Variants in PKHD1 observed in about 807,000 individuals in gnomAD.
The protein encoded by PKHD1 is PKHD1 ciliary IPT domain containing fibrocystin/polyductin, also known as fibrocystin.
In PKHD1, 291 loss-of-function variants were observed where a neutral mutation model predicts 412.0. The ratio of observed to expected loss-of-function variants is 0.71; its 90% CI spans 0.64 to 0.78. The LOEUF is 0.78. Among genes scored for constraint, PKHD1 ranks in the 30% least tolerant of loss-of-function variants. PKHD1 has a pLI of 0.00. For missense variants in PKHD1, 4,825 were observed against 4,950.7 expected (o/e 0.97, Z 0.76); for synonymous variants, 1,777 against 1,821.5 (o/e 0.98, Z 0.62).
Position 51,615,862 on chromosome 6 carries a change from T to G in PKHD1, c.*3219A>C, listed in dbSNP as rs938980879. The G allele has an allele frequency of 6.6e-6, 1 of 152,184 alleles. No individual in the cohort carries two copies. The highest frequency in any genetic ancestry group is 6.5e-5 in the Admixed American group (1 of 15,270). The allele number at this position is 152,184 out of a possible 1,614,324, so 9.4% of individuals were successfully genotyped here. A position where few individuals can be genotyped will look rare whatever the true frequency, so the allele number is the denominator to read the frequency against. On this transcript the variant is annotated 3_prime_UTR_variant, in exon 67 of 67. Transcript: ENST00000371117. ...AGTCTATTGAAGGGCAAGTTCACCT[T>G]GATCAGATAAGCTGAGTCTCGCACT...
intron 35 of PKHD1, among the ~76,000 whole-genome samples, chr6:51,960,969 G>A (rs556372968): frequency 3.3e-5 from 5 of 152,180 alleles, no homozygotes; most frequent in Admixed American, 2.0e-4. Context: ...GTATAATTAC[G>A]ATAAACATAA....
chr6:52,015,200 C>T (rs879376360), intron 34 of PKHD1, among the ~76,000 whole-genome samples: 17 of 152,244 alleles, frequency 1.1e-4, no homozygotes, highest in Admixed American at 1.1e-3. Flanking sequence ...TTAAAGGTGA[C>T]TTAGTATCAT....
In PKHD1 at chr6:51,635,090, C is replaced by G. The variant is rs181321081; in HGVS notation, c.11507-2367G>C. Among the ~76,000 whole-genome samples, 4 of 152,124 alleles carry G rather than the reference C, an allele frequency of 2.6e-5. No individual in the cohort carries two copies. The East Asian group carries it at 5.8e-4, about 22-fold the overall frequency. On this transcript the variant is annotated intron_variant, in intron 64 of 66. Transcript: ENST00000371117. ...TACAACCATGTGCCACCATACCTGG[C>G]TAATTTTTTGTTAATGTATTGTAGA...
At chr6:51,899,884 G>T (rs1780930918) in intron 43 of PKHD1, among the ~76,000 whole-genome samples, 1 of 152,034 alleles carries the variant, frequency 6.6e-6, no homozygotes, top group Non-Finnish European at 1.5e-5. Flanking sequence ...CAGACAAACA[G>T]AGTGCCAAAT....
intron 49 of PKHD1, among the ~76,000 whole-genome samples, chr6:51,854,328 G>A (rs1772887775): frequency 6.6e-6 from 1 of 152,050 alleles, no homozygotes; most frequent in Non-Finnish European, 1.5e-5. Context: ...TGACCTCGAG[G>A]GGCACCAACC....
rs768265052 is a variant in PKHD1 at position 51,867,875 on chromosome 6, A to G, written c.7721T>C (p.Met2574Thr). The G allele has an allele frequency of 1.9e-6, 3 of 1,613,356 alleles. No individual in the cohort carries two copies. The highest frequency in any genetic ancestry group is 2.2e-5 in the South Asian group (2 of 91,066). ...TAATTCCACTTACAAACCAATAGAC[A>G]TACGATGAAAAAGAACACCTCCTCC... ...ACGGGVLFHR[M>T]SIGLANTPEV... Residue 2574 changes from methionine (M) to threonine (T), a missense_variant, in exon 48 of 67, where the codon ATG becomes ACG. Coordinates refer to ENST00000371117, the MANE Select transcript of PKHD1 (RefSeq NM_138694.4).
chr6:51,628,763 C>A (rs1234114198), intron 65 of PKHD1, among the ~76,000 whole-genome samples: 2 of 152,116 alleles, frequency 1.3e-5, no homozygotes, highest in Non-Finnish European at 2.9e-5. Context: ...TTAATAATTG[C>A]CATTCTGACT....
chr6:51,892,508 T>C (rs984248473), intron 43 of PKHD1, among the ~76,000 whole-genome samples: 1 of 152,200 alleles, frequency 6.6e-6, no homozygotes, highest in Non-Finnish European at 1.5e-5. Context: ...ATACAGAGGA[T>C]AGGCTCGACA....
chr6:51,747,723 C>T, intron 58 of PKHD1, 64 bp downstream of exon 58: 1 of 1,403,644 alleles, frequency 7.1e-7, no homozygotes, highest in Non-Finnish European at 1.0e-6. Context: ...TTTCAGAATG[C>T]CATTAAAAAT....
intron 60 of PKHD1, among the ~76,000 whole-genome samples, chr6:51,730,651 A>T (rs1783128428): frequency 6.6e-6 from 1 of 152,204 alleles, no homozygotes; most frequent in South Asian, 2.1e-4. Flanking sequence ...TAAAGAAAAA[A>T]CTGTAAACCA....
chr6:51,936,689 G>A (rs1787539972), intron 36 of PKHD1, among the ~76,000 whole-genome samples: 1 of 152,208 alleles, frequency 6.6e-6, no homozygotes, highest in African/African-American at 2.4e-5. Flanking sequence ...GGCCATGACG[G>A]GGAGTGTCAG....
At position 51,625,280 on chromosome 6, in the gene PKHD1, G is replaced by A. The variant is rs537924298; in HGVS notation, c.11785+1717C>T. Among the ~76,000 whole-genome samples, 6 of 152,042 alleles carry A rather than the reference G, an allele frequency of 3.9e-5. No homozygotes were observed. The East Asian group carries it at 9.6e-4, about 24-fold the overall frequency. ...AATGTTAAAAGTTTAAAAACACAGA[G>A]GGAAAAGGGAAACTAAAGTGCCATG... On this transcript the variant is annotated intron_variant, in intron 66 of 66. Coordinates refer to ENST00000371117, the MANE Select transcript of PKHD1 (RefSeq NM_138694.4).
chr6:51,869,129 C>A (rs1164840136), intron 47 of PKHD1, among the ~76,000 whole-genome samples: 1 of 152,040 alleles, frequency 6.6e-6, no homozygotes, highest in Non-Finnish European at 1.5e-5. Context: ...CACAATTGCA[C>A]CTCTTGCAAC....
intron 43 of PKHD1, among the ~76,000 whole-genome samples, chr6:51,892,021 T>TG (rs1476414473): frequency 3.3e-5 from 5 of 152,194 alleles, no homozygotes; most frequent in Non-Finnish European, 7.3e-5. Context: ...CAATTCACTG[T>TG]GGGTCCCAAA....
In PKHD1 at chr6:51,934,115, A is replaced by G. The variant is rs777228780; in HGVS notation, c.6116T>C (p.Leu2039Pro). 1.2e-6 allele frequency: 2 copies of G among 1,609,456 alleles called. No individual in the cohort carries two copies. The highest frequency in any genetic ancestry group is 1.7e-6 in the Non-Finnish European group (2 of 1,175,654). Residue 2039 changes from leucine to proline, a missense_variant, in exon 37 of 67, where the codon CTG becomes CCG. Transcript: ENST00000371117. ...TGATCAATTGCCTCACTCACCGTGC[A>G]GAGAAAGAGTTCCATTCCTCACAGC... ...FLAVRNGTLS[L>P]HGSLPEVIVT...
chr6:51,860,789 C>T (rs1425953776), intron 48 of PKHD1, among the ~76,000 whole-genome samples: 3 of 151,830 alleles, frequency 2.0e-5, no homozygotes, highest in Non-Finnish European at 2.9e-5. Flanking sequence ...AATGTTTGTT[C>T]TTTTTTATTT....
intron 60 of PKHD1, among the ~76,000 whole-genome samples, chr6:51,663,922 G>T (rs567385759): frequency 2.0e-5 from 3 of 152,144 alleles, no homozygotes; most frequent in South Asian, 2.1e-4. Flanking sequence ...TCCACAACAG[G>T]TTCTGTTGTA....
chr6:51,851,015 T>C (rs1330017704), intron 49 of PKHD1, among the ~76,000 whole-genome samples: 2 of 152,224 alleles, frequency 1.3e-5, no homozygotes, highest in Non-Finnish European at 2.9e-5. Context: ...CCATTCAATA[T>C]GACATTTGTT....
At chr6:51,619,574 T>C in intron 66 of PKHD1, 54 bp from the exon 67 acceptor site, 1 of 1,427,040 alleles carries the variant, frequency 7.0e-7, no homozygotes, top group Admixed American at 1.7e-5. Flanking sequence ...ACCAGTTAAT[T>C]ACACATTTTG....
Sources: allele counts gnomAD v4.1 joint callset (sites outside exome capture counted in the v4.1 genomes callset), GRCh38; gene constraint gnomAD v4.1.1; transcripts MANE v1.5; gene names NCBI Gene and HGNC (gene_info 2026-07-23, HGNC 2026-07-21).